Variants in ELFN2 observed in about 807,000 individuals in gnomAD.
The protein encoded by ELFN2 is extracellular leucine rich repeat and fibronectin type III domain containing 2.
Under a neutral mutation model 45.5 loss-of-function variants are expected in ELFN2, and 17 were observed. The ratio of observed to expected loss-of-function variants is 0.37; its 90% confidence interval spans 0.26 to 0.56. The LOEUF is 0.56. Ranked by LOEUF, ELFN2 falls within the 20% of genes least tolerant of loss-of-function variation. The pLI is 0.77. For missense variants in ELFN2, 922 were observed against 1,183.2 expected, an observed-to-expected ratio of 0.78 and a Z score of 3.24; for synonymous variants, 550 against 551.5, an observed-to-expected ratio of 1.00 and a Z score of 0.04.
chr22:37,345,840 C>T (rs2145608912), intron 1 of ELFN2, among the ~76,000 whole-genome samples: 1 of 152,332 alleles, frequency 6.6e-6, no homozygotes. Context: ...GCCACCACAC[C>T]CGGCCATGGC....
intron 1 of ELFN2, among the ~76,000 whole-genome samples, chr22:37,421,720 TC>T (rs1319320893): frequency 6.6e-6 from 1 of 152,202 alleles, no homozygotes; most frequent in Non-Finnish European, 1.5e-5. Flanking sequence ...CGATCCGTCC[TC>T]GGTAGCATGT....
At position 37,370,281 on chromosome 22, in the gene ELFN2, G is replaced by A. The variant is rs774416830; in HGVS notation, c.*2791C>T. The stretch of plus-strand genomic sequence containing the variant: ...CAAGCGCAGGCCCCTAACTCCTGCT[G>A]CTGGGAACCCTCCCTGGGGCCCAGC... On this transcript the variant is annotated 3_prime_UTR_variant, in exon 3 of 3. Transcript: ENST00000402918. 6.6e-6 allele frequency: 1 copy of A among 152,156 alleles called. No homozygotes were observed. Among genetic ancestry groups the A allele is most frequent in the Non-Finnish European group, 1.5e-5 (1 of 68,030 alleles). 9.4% of individuals were successfully genotyped at this position (152,156 alleles called of 1,614,324 possible).
chr22:37,353,382 T>C (rs1448338287), intron 1 of ELFN2: 1 of 151,136 alleles, frequency 6.6e-6, no homozygotes, highest in Non-Finnish European at 1.5e-5. Flanking sequence ...TGTAGCTTAT[T>C]GTGCTAAGAG....
intron 1 of ELFN2, among the ~76,000 whole-genome samples, chr22:37,425,622 A>G (rs1569146558): frequency 1.3e-5 from 2 of 152,012 alleles, no homozygotes; most frequent in Admixed American, 6.6e-5. Flanking sequence ...CTGACCTCAC[A>G]TACATACTTT....
intron 1 of ELFN2, among the ~76,000 whole-genome samples, chr22:37,361,729 A>C (rs1218305811): frequency 6.6e-6 from 1 of 152,138 alleles, no homozygotes; most frequent in Non-Finnish European, 1.5e-5. Context: ...AATACTGAAA[A>C]GTTCTCCATT....
chr22:37,385,894 T>G (rs1601753909), intron 2 of ELFN2, among the ~76,000 whole-genome samples: 1 of 152,284 alleles, frequency 6.6e-6, no homozygotes, highest in Non-Finnish European at 1.5e-5. Context: ...CTAGGATGTA[T>G]CTACCATTTA....
chr22:37,406,873 GAC>G (rs1355867910), intron 2 of ELFN2, among the ~76,000 whole-genome samples: 2 of 152,190 alleles, frequency 1.3e-5, no homozygotes, highest in Non-Finnish European at 2.9e-5. Context: ...AGAAGCAGGA[GAC>G]AGAGTCCACT....
chr22:37,366,430 A>AG (rs1376063815), downstream of ELFN2, among the ~76,000 whole-genome samples: 1 of 152,192 alleles, frequency 6.6e-6, no homozygotes, highest in Admixed American at 6.5e-5. Context: ...GCTGAGGGGA[A>AG]GGGCCTGGAC....
downstream of ELFN2, among the ~76,000 whole-genome samples, chr22:37,367,109 A>G (rs985902437): frequency 5.3e-5 from 8 of 152,238 alleles, no homozygotes; most frequent in Non-Finnish European, 8.8e-5. Context: ...GGCTGAATAC[A>G]GGCTTTCGTG....
chr22:37,362,125 T>A (rs952464742), intron 1 of ELFN2, among the ~76,000 whole-genome samples: 1 of 152,154 alleles, frequency 6.6e-6, no homozygotes, highest in Non-Finnish European at 1.5e-5. Flanking sequence ...GCTTGGAGCA[T>A]GGTCAAGTGG....
chr22:37,400,904 G>C (rs1487203488), intron 2 of ELFN2, among the ~76,000 whole-genome samples: 2 of 152,238 alleles, frequency 1.3e-5, no homozygotes, highest in African/African-American at 4.8e-5. Flanking sequence ...TCCCTAAGTG[G>C]CGAAAACGGT....
Position 37,373,764 on chromosome 22 carries a change from T to G in ELFN2, c.1771A>C (p.Thr591Pro), listed in dbSNP as rs775190367. 1 of 1,582,530 alleles carries G rather than the reference T, an allele frequency of 6.3e-7. No homozygotes were observed. Among genetic ancestry groups the G allele is most frequent in the South Asian group, 1.2e-5 (1 of 86,312 alleles). ...GGCCGCTCCAGGGCCCCGGGGCCAGTGGCTGAGGAGGCGGCAGCAGCTGCA... is the reference window on the plus strand; with the variant it reads ...GGCCGCTCCAGGGCCCCGGGGCCAGGGGCTGAGGAGGCGGCAGCAGCTGCA... ...LPAAAAASSA[T>P]GPGALERPSF... The change falls in exon 3 of 3, where the codon ACT becomes CCT. Residue 591 changes from threonine (T) to proline (P), a missense_variant. Around this residue, in one of 2 missense-constraint regions of ELFN2, gnomAD observed 564 missense variants for 642.8 expected, o/e 0.88. Transcript: ENST00000402918.
rs767511941 is a variant in ELFN2 at position 37,373,552 on chromosome 22, G to A, written c.1983C>T (p.Ser661=). The A allele has an allele frequency of 6.3e-7, 1 of 1,597,704 alleles. No homozygotes were observed. The highest frequency in any genetic ancestry group is 8.5e-7 in the Non-Finnish European group (1 of 1,173,702). ...GGGGGCTGCCCTTCTCGATGTACTTGGAGTCGCCCTTAGCCAGCCCTGTGG... is the reference window on the plus strand; with the variant it reads ...GGGGGCTGCCCTTCTCGATGTACTTAGAGTCGCCCTTAGCCAGCCCTGTGG... The part of the protein sequence containing the change: ...PAATGLAKGD[S]KYIEKGSPLN... Residue 661 remains serine (S), a synonymous_variant, in exon 3 of 3, where the codon TCC becomes TCT. Transcript: ENST00000402918.
intron 1 of ELFN2, among the ~76,000 whole-genome samples, chr22:37,418,586 CT>C (rs1487819244): frequency 6.6e-6 from 1 of 151,948 alleles, no homozygotes; most frequent in Non-Finnish European, 1.5e-5. Flanking sequence ...TCACACTCCC[CT>C]GACCCCCAGT....
chr22:37,387,657 G>T (rs1219163858), intron 2 of ELFN2, among the ~76,000 whole-genome samples: 1 of 152,028 alleles, frequency 6.6e-6, no homozygotes, highest in African/African-American at 2.4e-5. Context: ...CCTGGGCTGG[G>T]GACCTGCAGC....
intron 2 of ELFN2, among the ~76,000 whole-genome samples, chr22:37,411,567 C>T (rs2145682135): frequency 1.2e-5 from 1 of 82,028 alleles, no homozygotes. Context: ...ACAAGCAAGA[C>T]TCACACAGCA....
downstream of ELFN2, among the ~76,000 whole-genome samples, chr22:37,366,093 T>C (rs1234481120): frequency 6.6e-6 from 1 of 152,128 alleles, no homozygotes; most frequent in Non-Finnish European, 1.5e-5. Context: ...ATAATTGAAG[T>C]GTGCAGAAAG....
chr22:37,360,569 G>C (rs1931060711), intron 1 of ELFN2, among the ~76,000 whole-genome samples: 1 of 152,160 alleles, frequency 6.6e-6, no homozygotes, highest in South Asian at 2.1e-4. Context: ...CGCCACCCCT[G>C]CTTAGCAACC....
At chr22:37,382,429 G>A (rs567916629) in intron 2 of ELFN2, among the ~76,000 whole-genome samples, 2 of 151,896 alleles carry the variant, frequency 1.3e-5, no homozygotes, top group Non-Finnish European at 2.9e-5. Flanking sequence ...ATTTTTAGTA[G>A]AGACGGGGTT....
Sources: allele counts gnomAD v4.1 joint callset (sites outside exome capture counted in the v4.1 genomes callset), GRCh38; gene constraint gnomAD v4.1.1; regional missense constraint gnomAD v4.1.1; transcripts MANE v1.5; gene names NCBI Gene and HGNC (gene_info 2026-07-23, HGNC 2026-07-21).